ARHGAP6: variants seen among roughly 807,000 people sequenced by gnomAD.
ARHGAP6 encodes Rho GTPase activating protein 6.
Under a neutral mutation model 55.7 loss-of-function variants are expected in ARHGAP6, and 16 were observed. The ratio of observed to expected loss-of-function variants is 0.29; its 90% CI spans 0.19 to 0.44. The LOEUF (loss-of-function observed/expected upper bound fraction) is 0.44, where lower values mean the gene tolerates loss of function less well. ARHGAP6 is among the 20% of genes least tolerant of loss of function. The pLI, the probability that ARHGAP6 is intolerant of heterozygous loss-of-function variation, is 1.00. For missense variants in ARHGAP6, 698 were observed against 808.9 expected (o/e 0.86, Z 1.66); for synonymous variants, 382 against 360.9 (o/e 1.06, Z -0.66).
intron 1 of ARHGAP6, among the ~76,000 whole-genome samples, chrX:11,350,395 C>T (rs187803437): frequency 1.8e-5 from 2 of 112,264 alleles, no homozygotes; most frequent in African/African-American, 6.5e-5. Flanking sequence ...TCTTGGCAAA[C>T]CAAACTCCAG....
chrX:11,583,181 C>T (rs1022930070), intron 1 of ARHGAP6, among the ~76,000 whole-genome samples: 5 of 112,420 alleles, frequency 4.4e-5, no homozygotes, highest in African/African-American at 6.5e-5. Context: ...ACCTTACTAA[C>T]TGCTCTCCAG....
At chrX:11,155,212 TCAA>T (rs2045846987) in intron 10 of ARHGAP6, among the ~76,000 whole-genome samples, 1 of 112,568 alleles carries the variant, frequency 8.9e-6, no homozygotes, top group Non-Finnish European at 1.9e-5. Context: ...TTTATCAAGT[TCAA>T]CACCAATATA....
intron 1 of ARHGAP6, among the ~76,000 whole-genome samples, chrX:11,491,198 C>A (rs1450474412): frequency 1.8e-5 from 2 of 111,878 alleles, no homozygotes; most frequent in African/African-American, 6.5e-5. Context: ...ATCAAAAATT[C>A]TTTAATATAT....
At chrX:11,363,674 A>G (rs2049039846) in intron 1 of ARHGAP6, among the ~76,000 whole-genome samples, 1 of 112,147 alleles carries the variant, frequency 8.9e-6, no homozygotes, top group Admixed American at 9.5e-5. Flanking sequence ...ATCAATGACA[A>G]ATCATTGACT....
chrX:11,481,602 C>A (rs932550973), intron 1 of ARHGAP6, among the ~76,000 whole-genome samples: 1 of 112,631 alleles, frequency 8.9e-6, no homozygotes, highest in Non-Finnish European at 1.9e-5. Flanking sequence ...GTGCCAAGTA[C>A]AGTGGCCAAA....
intron 1 of ARHGAP6, among the ~76,000 whole-genome samples, chrX:11,544,853 G>A (rs749719570): frequency 1.8e-5 from 2 of 112,496 alleles, no homozygotes; most frequent in African/African-American, 6.5e-5. Flanking sequence ...CTTACATAAC[G>A]CAAGTCTTCT....
At chrX:11,556,638 C>T (rs1012678805) in intron 1 of ARHGAP6, among the ~76,000 whole-genome samples, 3 of 111,978 alleles carry the variant, frequency 2.7e-5, no homozygotes, top group Non-Finnish European at 5.6e-5. Flanking sequence ...AGGAGTTCCT[C>T]GAGACAGGAA....
chrX:11,211,356 T>G (rs185375521), intron 2 of ARHGAP6, among the ~76,000 whole-genome samples: 2,874 of 97,447 alleles, frequency 0.029, 51 homozygotes, highest in African/African-American at 0.056. Context: ...CGAGTAGCTG[T>G]GACTACAGGC....
chrX:11,385,225 A>G (rs2049314656), intron 1 of ARHGAP6, among the ~76,000 whole-genome samples: 1 of 111,468 alleles, frequency 9.0e-6, no homozygotes, highest in Non-Finnish European at 1.9e-5. Flanking sequence ...CAATAACTGT[A>G]TCTATCATTT....
At chrX:11,419,524 T>C (rs770365807) in intron 1 of ARHGAP6, among the ~76,000 whole-genome samples, 1 of 112,452 alleles carries the variant, frequency 8.9e-6, no homozygotes, top group African/African-American at 3.2e-5. Flanking sequence ...TATGTTACCA[T>C]TTTCAAATCA....
intron 1 of ARHGAP6, among the ~76,000 whole-genome samples, chrX:11,344,678 C>CAAAAAAAAAAAAAAAAAAAAA (rs34123570): frequency 1.1e-4 from 3 of 28,264 alleles, no homozygotes; most frequent in East Asian, 1.4e-3. Flanking sequence ...AACTCCATCA[C>CAAAAAAAAAAAAAAAAAAAAA]AAAAAAAAAA....
intron 1 of ARHGAP6, among the ~76,000 whole-genome samples, chrX:11,272,515 C>T (rs894517460): frequency 3.6e-5 from 4 of 110,377 alleles, no homozygotes; most frequent in African/African-American, 9.9e-5. Context: ...CACCCTTCCA[C>T]ATACTCATGT....
chrX:11,280,950 C>A (rs1052278363), intron 1 of ARHGAP6, among the ~76,000 whole-genome samples: 2 of 110,529 alleles, frequency 1.8e-5, no homozygotes, highest in Non-Finnish European at 3.8e-5. Context: ...ATATGTTCAC[C>A]AAAATATGTG....
intron 1 of ARHGAP6, among the ~76,000 whole-genome samples, chrX:11,525,151 G>T (rs987015221): frequency 3.6e-5 from 4 of 111,549 alleles, no homozygotes; most frequent in Non-Finnish European, 7.5e-5. Context: ...GAGGATTGGG[G>T]ACCCCTGCAT....
At chrX:11,243,726 T>A (rs1339874006) in intron 2 of ARHGAP6, among the ~76,000 whole-genome samples, 1 of 112,392 alleles carries the variant, frequency 8.9e-6, no homozygotes, top group Non-Finnish European at 1.9e-5. Flanking sequence ...GAAAAGATTA[T>A]AATGGAGGTG....
rs995574477 is a variant in ARHGAP6, at chrX:11,500,663, C to CAAAAAAA, written c.588+163571_588+163577dup. Among the ~76,000 whole-genome samples the CAAAAAAA allele has an allele frequency of 4.0e-3, 133 of 33,531 alleles. 1 individual carries two copies. The highest frequency in any genetic ancestry group is 0.014 in the African/African-American group (123 of 8,968). 29.1% of individuals were successfully genotyped at this position (33,531 alleles called of 115,157 possible). On this transcript the variant is annotated intron_variant, in intron 1 of 12. Coordinates refer to ENST00000337414, the MANE Select transcript of ARHGAP6 (RefSeq NM_013427.3). ...CCCGGGAAACAGAGCCAGACTCTGT[C>CAAAAAAA]AAAAAAAAAAAAAAAAAAAAAGAAG... is the stretch of plus-strand genomic sequence containing the variant.
chrX:11,573,776 C>T (rs1400672047), intron 1 of ARHGAP6, among the ~76,000 whole-genome samples: 10 of 110,809 alleles, frequency 9.0e-5, no homozygotes, highest in East Asian at 8.5e-4. Flanking sequence ...TTACCTTGGG[C>T]AGTATGGCCA....
At chrX:11,355,038 A>C in intron 1 of ARHGAP6, among the ~76,000 whole-genome samples, 1 of 112,237 alleles carries the variant, frequency 8.9e-6, no homozygotes, top group Non-Finnish European at 1.9e-5. Context: ...TGTAACAATT[A>C]ATTAGACAGA....
At chrX:11,318,306 T>C (rs2048384198) in intron 1 of ARHGAP6, among the ~76,000 whole-genome samples, 1 of 112,391 alleles carries the variant, frequency 8.9e-6, no homozygotes, top group South Asian at 3.7e-4. Context: ...GTTTTATATA[T>C]ATACATATAA....
Sources: gnomAD v4.1 joint callset for allele counts (sites outside exome capture counted in the v4.1 genomes callset) on GRCh38, gnomAD v4.1.1 for gene constraint, MANE v1.5 for transcripts, NCBI Gene and HGNC (gene_info 2026-07-23, HGNC 2026-07-21) for gene names.